The following PIAS4 variants were observed in gnomAD, a reference collection of about 807,000 sequenced individuals.
The protein encoded by PIAS4 is E3 SUMO-protein ligase PIAS4.
A neutral mutation model predicts 58.0 loss-of-function variants in PIAS4; 7 were observed. The ratio of observed to expected loss-of-function variants is 0.12; its 90% CI spans 0.07 to 0.23. PIAS4 has a LOEUF of 0.23. PIAS4 is among the 10% of genes least tolerant of loss of function. The pLI is 1.00. For synonymous variants in PIAS4, 364 were observed against 312.4 expected (o/e 1.17, Z -1.74); for missense variants, 550 against 709.5 (o/e 0.78, Z 2.55).
At chr19:4,032,372 T>TG (rs1437327677) in intron 7 of PIAS4, among the ~76,000 whole-genome samples, 1 of 152,050 alleles carries the variant, frequency 6.6e-6, no homozygotes, top group African/African-American at 2.4e-5. Flanking sequence ...GGCCCAGGGC[T>TG]GGGGTCTCTC....
At chr19:4,016,351 G>A (rs2040053769) in intron 2 of PIAS4, among the ~76,000 whole-genome samples, 1 of 152,236 alleles carries the variant, frequency 6.6e-6, no homozygotes, top group African/African-American at 2.4e-5. Flanking sequence ...GCTGTGCAGA[G>A]TGGAGCCCCT....
chr19:4,010,955 C>T (rs1278659487), intron 1 of PIAS4, among the ~76,000 whole-genome samples: 2 of 152,228 alleles, frequency 1.3e-5, no homozygotes, highest in Non-Finnish European at 2.9e-5. Context: ...CAACAGGACC[C>T]TGGCCCGATA....
chr19:4,032,714 A>G (rs549487366), intron 7 of PIAS4, among the ~76,000 whole-genome samples: 24 of 152,330 alleles, frequency 1.6e-4, no homozygotes, highest in African/African-American at 4.8e-4. Flanking sequence ...TCCCTGCCTC[A>G]TTCCCCGCTG....
rs190206310 is a variant in PIAS4, at chr19:4,017,019, G to A, written c.454+3670G>A. 3.0e-4 allele frequency among the ~76,000 whole-genome samples: 46 copies of A among 152,292 alleles called. 2 individuals carry two copies. The highest frequency in any genetic ancestry group is 1.0e-3 in the South Asian group (5 of 4,830). ...GTGGCCGTCTGCCTTCCACAGCCAG[G>A]CCTGCTGCCCGCCCAGGCCCACCAT... On this transcript the variant is annotated intron_variant, in intron 2 of 10. Transcript: ENST00000262971.
chr19:4,033,368 C>A, intron 8 of PIAS4, 52 bp from the exon 9 acceptor site: 2 of 1,502,186 alleles, frequency 1.3e-6, no homozygotes, highest in Non-Finnish European at 1.8e-6. Context: ...GGGCACCGGG[C>A]AGGCGGGCAC....
At chr19:4,010,449 A>G (rs2039982046) in intron 1 of PIAS4, among the ~76,000 whole-genome samples, 1 of 152,238 alleles carries the variant, frequency 6.6e-6, no homozygotes, top group Non-Finnish European at 1.5e-5. Flanking sequence ...GCTTTGGGCC[A>G]CTTCCAGAAG....
intron 1 of PIAS4, among the ~76,000 whole-genome samples, chr19:4,011,605 C>T (rs1199330903): frequency 6.6e-6 from 1 of 152,170 alleles, no homozygotes; most frequent in Non-Finnish European, 1.5e-5. Flanking sequence ...TTGGACCGGT[C>T]CCCCAGGGAC....
intron 9 of PIAS4, among the ~76,000 whole-genome samples, chr19:4,035,160 G>C (rs953294126): frequency 6.6e-6 from 1 of 152,158 alleles, no homozygotes; most frequent in Non-Finnish European, 1.5e-5. Context: ...AGAGCTCGGC[G>C]GGGCGGAGGG....
intron 2 of PIAS4, among the ~76,000 whole-genome samples, chr19:4,020,562 C>T (rs964172790): frequency 1.4e-4 from 21 of 152,240 alleles, no homozygotes; most frequent in Non-Finnish European, 2.8e-4. Flanking sequence ...GATGCCTTCT[C>T]TCCATTTTCA....
intron 2 of PIAS4, among the ~76,000 whole-genome samples, chr19:4,017,119 G>C (rs2040060234): frequency 6.6e-6 from 1 of 152,182 alleles, no homozygotes. Flanking sequence ...GGGGTAGTCT[G>C]ACCCACTCAG....
At chr19:4,034,136 C>T (rs113143847) in intron 9 of PIAS4, among the ~76,000 whole-genome samples, 3,292 of 152,334 alleles carry the variant, frequency 0.022, 52 homozygotes, top group South Asian at 0.055. Flanking sequence ...AACTGAGCCC[C>T]GTTGTCTGTG....
rs1025245012 is a variant in PIAS4 at position 4,037,115 on chromosome 19, G to A, written c.1143-259G>A. Among the ~76,000 whole-genome samples the A allele has an allele frequency of 1.3e-5, 2 of 152,260 alleles. No homozygotes were observed. ...TCCCTGCTCTTGTGGGTAGTTGGGG[G>A]CCACTGGGTATGTGTGTCCATGCCC... On this transcript the variant is annotated intron_variant, in intron 9 of 10. Transcript: ENST00000262971. The surrounding 1 kb of genome is among the most constrained non-coding windows in gnomAD (Gnocchi z 5.8).
intron 1 of PIAS4, among the ~76,000 whole-genome samples, chr19:4,009,607 G>T (rs191964271): frequency 2.0e-5 from 3 of 151,994 alleles, no homozygotes; most frequent in Admixed American, 1.3e-4. Context: ...CTTCTTTCAG[G>T]TTCTCTAAAC....
intron 2 of PIAS4, among the ~76,000 whole-genome samples, chr19:4,014,682 G>A (rs2040033565): frequency 6.6e-6 from 1 of 152,226 alleles, no homozygotes; most frequent in East Asian, 1.9e-4. Context: ...AGAACCCTGT[G>A]CATGCCCCCT....
chr19:4,017,680 C>CATT (rs571889207), intron 2 of PIAS4: 1 of 106,440 alleles, frequency 9.4e-6, no homozygotes, highest in Non-Finnish European at 1.8e-5. Flanking sequence ...ATCCGATCAG[C>CATT]TTTTTTTTTT....
At chr19:4,007,813 CG>C (rs1227387405) in intron 1 of PIAS4, 26 bp downstream of exon 1, 2 of 1,208,608 alleles carry the variant, frequency 1.7e-6, no homozygotes, top group Non-Finnish European at 1.0e-6. Context: ...CGGCGCCGGC[CG>C]GGGCAAGTGG....
chr19:4,029,807 ACTAAT>A (rs2040205087), intron 7 of PIAS4, among the ~76,000 whole-genome samples: 1 of 125,262 alleles, frequency 8.0e-6, no homozygotes, highest in African/African-American at 3.0e-5. Flanking sequence ...ACCACACCCA[ACTAAT>A]TTTTTTTTTT....
chr19:4,038,611 A>T lies in PIAS4; in HGVS notation c.*736A>T, dbSNP rs2040329394. On this transcript the variant is annotated 3_prime_UTR_variant, in exon 11 of 11. Coordinates refer to ENST00000262971, the MANE Select transcript of PIAS4 (RefSeq NM_015897.4). This position sits in a 1 kb window ranked among gnomAD's most constrained non-coding sequence, Gnocchi z 4.1. Reference sequence around the variant, plus strand: ...GGAAGGCGGGGGCCCAGGGTGCGGCACCGTGTGGCGTGGGGGGGTCTCAGT... The same window carrying T: ...GGAAGGCGGGGGCCCAGGGTGCGGCTCCGTGTGGCGTGGGGGGGTCTCAGT... 1 of 152,504 alleles carries T rather than the reference A, an allele frequency of 6.6e-6. No homozygotes were observed. Among genetic ancestry groups the T allele is most frequent in the African/African-American group, 2.4e-5 (1 of 41,386 alleles). The allele number at this position is 152,504 out of a possible 1,614,324, so 9.4% of individuals were successfully genotyped here.
chr19:4,033,299 C>T (rs1022035556), intron 8 of PIAS4, 121 bp from the exon 9 acceptor site: 93 of 1,333,036 alleles, frequency 7.0e-5, no homozygotes, highest in Middle Eastern at 4.1e-4. Flanking sequence ...TCTTCGTCCC[C>T]TCCGTGTTCC....
Sources: allele counts gnomAD v4.1 joint callset (sites outside exome capture counted in the v4.1 genomes callset), GRCh38; gene constraint gnomAD v4.1.1; non-coding constraint Gnocchi (gnomAD v3.1); transcripts MANE v1.5; gene names NCBI Gene and HGNC (gene_info 2026-07-23, HGNC 2026-07-21).